The following CDC14A variants were observed in gnomAD, a reference collection of about 807,000 sequenced individuals.
CDC14A encodes dual specificity protein phosphatase CDC14A.
CDC14A carries 53 observed loss-of-function variants against 74.4 expected under a neutral mutation model. The ratio of observed to expected loss-of-function variants is 0.71; its 90% confidence interval spans 0.57 to 0.89. CDC14A has a LOEUF of 0.89. Ranked by LOEUF, CDC14A falls within the 40% of genes least tolerant of loss-of-function variation. CDC14A has a pLI of 0.00. For synonymous variants in CDC14A, 247 were observed against 258.4 expected, an observed-to-expected ratio of 0.96 and a Z score of 0.43; for missense variants, 646 against 713.7, an observed-to-expected ratio of 0.91 and a Z score of 1.08.
chr1:100,369,045 C>T (rs952000502), intron 2 of CDC14A, among the ~76,000 whole-genome samples: 1 of 151,696 alleles, frequency 6.6e-6, no homozygotes, highest in East Asian at 1.9e-4. Flanking sequence ...TTTAGATTCC[C>T]GCCGCCAACA....
At chr1:100,394,612 C>CT (rs1258084789) in intron 4 of CDC14A, among the ~76,000 whole-genome samples, 1 of 152,112 alleles carries the variant, frequency 6.6e-6, no homozygotes, top group African/African-American at 2.4e-5. Context: ...AAAAGCAGTC[C>CT]TAGCATGGTG....
chr1:100,497,668 G>T (rs1648063698), intron 13 of CDC14A, among the ~76,000 whole-genome samples: 1 of 152,216 alleles, frequency 6.6e-6, no homozygotes, highest in Non-Finnish European at 1.5e-5. Flanking sequence ...CTAAGGTTGT[G>T]CTGAGGAATG....
chr1:100,367,722 T>G (rs1447270382), intron 2 of CDC14A, among the ~76,000 whole-genome samples: 1 of 152,204 alleles, frequency 6.6e-6, no homozygotes, highest in East Asian at 1.9e-4. Context: ...TAGTGTAACT[T>G]GAAGCTCATC....
At chr1:100,512,733 T>C (rs1251611376) in intron 15 of CDC14A, among the ~76,000 whole-genome samples, 1 of 152,192 alleles carries the variant, frequency 6.6e-6, no homozygotes, top group Non-Finnish European at 1.5e-5. Flanking sequence ...TGAGCCCAAA[T>C]TGGCTTTTTA....
intron 3 of CDC14A, among the ~76,000 whole-genome samples, chr1:100,380,528 A>G (rs1655958278): frequency 6.6e-6 from 1 of 152,110 alleles, no homozygotes; most frequent in Non-Finnish European, 1.5e-5. Flanking sequence ...CAGACTCCAG[A>G]TTCTCCCACT....
intron 4 of CDC14A, among the ~76,000 whole-genome samples, chr1:100,402,978 T>C (rs1001740869): frequency 6.6e-6 from 1 of 152,204 alleles, no homozygotes. Context: ...GCCAAAACTT[T>C]CGTGTACCAA....
At chr1:100,369,662 C>G (rs373956253) in intron 2 of CDC14A, among the ~76,000 whole-genome samples, 1 of 151,932 alleles carries the variant, frequency 6.6e-6, no homozygotes, top group African/African-American at 2.4e-5. Context: ...ATATTTTTCC[C>G]CTTCTGTATG....
chr1:100,494,782 T>A, intron 11 of CDC14A, 36 bp from the exon 12 acceptor site: 1 of 1,256,032 alleles, frequency 8.0e-7, no homozygotes, highest in African/African-American at 1.5e-5. Context: ...TAAAGCCAAA[T>A]TTTGACCTTT....
intron 5 of CDC14A, among the ~76,000 whole-genome samples, chr1:100,427,898 G>T (rs1048428786): frequency 1.3e-5 from 2 of 152,082 alleles, no homozygotes; most frequent in South Asian, 2.1e-4. Context: ...CTCTGAAATG[G>T]GGGGGTAGGA....
chr1:100,384,825 G>C (rs138195552), intron 3 of CDC14A, among the ~76,000 whole-genome samples: 2 of 152,196 alleles, frequency 1.3e-5, no homozygotes, highest in Non-Finnish European at 2.9e-5. Context: ...TCTGCACCCA[G>C]ATTCCCTCAC....
Position 100,368,276 on chromosome 1 carries a change from AT to A in CDC14A, c.141-9265del, listed in dbSNP as rs1337524552. ...TGAACACATTTGAAATAATTGAAGA[AT>A]TTTTAATTTGTTTCACCTTAGTTAA... is the stretch of plus-strand genomic sequence containing the variant. On this transcript the variant is annotated intron_variant, in intron 2 of 15. Transcript: ENST00000336454. Among the ~76,000 whole-genome samples the A allele has an allele frequency of 2.0e-5, 3 of 152,220 alleles. No homozygotes were observed. In the East Asian group the frequency reaches 5.8e-4, roughly 29 times the overall value.
At chr1:100,505,116 G>A (rs1283357486) in intron 15 of CDC14A, 7 of 188,858 alleles carry the variant, frequency 3.7e-5, no homozygotes, top group African/African-American at 7.1e-5. Flanking sequence ...ACACAGTACC[G>A]GTCACAGGAG....
intron 4 of CDC14A, among the ~76,000 whole-genome samples, chr1:100,408,793 C>T (rs985594252): frequency 2.0e-5 from 3 of 152,086 alleles, no homozygotes; most frequent in African/African-American, 4.8e-5. Flanking sequence ...GTGATCAGAA[C>T]GGATCCAGGC....
chr1:100,494,698 T>G, intron 11 of CDC14A, 120 bp from the exon 12 acceptor site: 4 of 561,146 alleles, frequency 7.1e-6, no homozygotes, highest in Non-Finnish European at 1.3e-5. Context: ...TCACAGTACC[T>G]TTAGTGACTT....
In CDC14A at chr1:100,485,012, A is replaced by T. The variant is rs996168511; in HGVS notation, c.1137+561A>T. 3.0e-6 allele frequency: 3 copies of T among 984,896 alleles called. No individual in the cohort carries two copies. The African/African-American group carries it at 5.2e-5, about 17-fold the overall frequency. The allele number at this position is 984,896 out of a possible 1,614,324, so 61.0% of individuals were successfully genotyped here. A position where few individuals can be genotyped will look rare whatever the true frequency, so the allele number is the denominator to read the frequency against. On this transcript the variant is annotated intron_variant, in intron 11 of 15. Coordinates refer to ENST00000336454, the MANE Select transcript of CDC14A (RefSeq NM_003672.4). ...ATAGGAAGGAAATTGCATATCAGAG[A>T]TGTTCTAACCTCAGTGTCAAACATG...
At chr1:100,475,182 C>A (rs1431600826) in intron 10 of CDC14A, among the ~76,000 whole-genome samples, 1 of 152,082 alleles carries the variant, frequency 6.6e-6, no homozygotes, top group Non-Finnish European at 1.5e-5. Flanking sequence ...CTCATCTCTC[C>A]ATTCTGCCAT....
At chr1:100,494,723 T>G in intron 11 of CDC14A, 95 bp from the exon 12 acceptor site, 2 of 625,944 alleles carry the variant, frequency 3.2e-6, no homozygotes, top group Non-Finnish European at 5.7e-6. Context: ...TATATTAAGA[T>G]AATCTGTATA....
chr1:100,454,201 T>C (rs1666437508), intron 7 of CDC14A, among the ~76,000 whole-genome samples: 3 of 152,104 alleles, frequency 2.0e-5, no homozygotes, highest in Non-Finnish European at 4.4e-5. Flanking sequence ...TATGGTAGAG[T>C]ACAGAGTCTA....
At chr1:100,412,725 T>TATATAAAA (rs1553178979) in intron 4 of CDC14A, among the ~76,000 whole-genome samples, 1 of 82,958 alleles carries the variant, frequency 1.2e-5, no homozygotes, top group African/African-American at 9.0e-5. Context: ...TATATATATT[T>TATATAAAA]TATATATATA....
Sources: gnomAD v4.1 joint callset for allele counts (sites outside exome capture counted in the v4.1 genomes callset) on GRCh38, gnomAD v4.1.1 for gene constraint, MANE v1.5 for transcripts, NCBI Gene and HGNC (gene_info 2026-07-23, HGNC 2026-07-21) for gene names.